The following VPS35 variants were observed in gnomAD, a reference collection of about 807,000 sequenced individuals.
The protein encoded by VPS35 is vacuolar protein sorting-associated protein 35.
In VPS35, 21 loss-of-function variants were observed where a neutral mutation model predicts 98.1. That is an observed-to-expected ratio of 0.21 (90% confidence interval 0.15 to 0.31). The LOEUF (loss-of-function observed/expected upper bound fraction) is 0.31. Among genes scored for constraint, VPS35 ranks in the 10% least tolerant of loss-of-function variants. The pLI is 1.00. For synonymous variants in VPS35, 268 were observed against 318.2 expected, an observed-to-expected ratio of 0.84 and a Z score of 1.68; for missense variants, 554 against 950.8, an observed-to-expected ratio of 0.58 and a Z score of 5.49.
Position 46,674,680 on chromosome 16 carries a change from C to G in VPS35, c.915-20G>C. ...GCTAATCTAAAAAAAAAAAAAACAC[C>G]CCTTTATTTTAAAAGATACAGGGTT... On this transcript the variant is annotated intron_variant, in intron 8 of 16. Coordinates refer to ENST00000299138, the MANE Select transcript of VPS35 (RefSeq NM_018206.6). The G allele has an allele frequency of 7.0e-7, 1 of 1,424,360 alleles. No homozygotes were observed. Among genetic ancestry groups the G allele is most frequent in the Non-Finnish European group, 9.8e-7 (1 of 1,017,276 alleles). 88.2% of individuals were successfully genotyped at this position (1,424,360 alleles called of 1,614,324 possible).
intron 9 of VPS35, 34 bp downstream of exon 9, chr16:46,674,530 A>G: frequency 6.2e-7 from 1 of 1,606,216 alleles, no homozygotes; most frequent in Non-Finnish European, 8.5e-7. Flanking sequence ...GAAGTTTCAA[A>G]GTTTTGAGAA....
chr16:46,687,227 G>T (rs1596728183), intron 1 of VPS35, among the ~76,000 whole-genome samples: 2 of 152,058 alleles, frequency 1.3e-5, no homozygotes, highest in East Asian at 3.8e-4. Flanking sequence ...TCAAACAAAG[G>T]TACAGAATAT....
Position 46,669,044 on chromosome 16 carries a change from G to A in VPS35, c.1533C>T (p.Asn511=), listed in dbSNP as rs373955385. Residue 511 remains asparagine (N), a synonymous_variant, in exon 13 of 17, where the codon AAC becomes AAT. Coordinates refer to ENST00000299138, the MANE Select transcript of VPS35 (RefSeq NM_018206.6). Reference sequence around the variant, plus strand: ...CAGCTCCAAAATGTTTTCGTGCTGTGTTCAAAATCTGACCCAAAAGCATTA... The same window carrying A: ...CAGCTCCAAAATGTTTTCGTGCTGTATTCAAAATCTGACCCAAAAGCATTA... ...EDPDQQYLIL[N]TARKHFGAGG... 1 of 1,613,870 alleles carries A rather than the reference G, an allele frequency of 6.2e-7. No individual in the cohort carries two copies. Among genetic ancestry groups the A allele is most frequent in the Non-Finnish European group, 8.5e-7 (1 of 1,180,008 alleles).
intron 12 of VPS35, among the ~76,000 whole-genome samples, chr16:46,669,495 T>A (rs1262046589): frequency 5.3e-5 from 8 of 151,846 alleles, no homozygotes; most frequent in Admixed American, 5.3e-4. Flanking sequence ...AGGGAAACCC[T>A]GTATCTACTA....
intron 7 of VPS35, among the ~76,000 whole-genome samples, chr16:46,676,910 A>G (rs1434281580): frequency 1.3e-5 from 2 of 152,210 alleles, no homozygotes; most frequent in African/African-American, 4.8e-5. Context: ...AGAGACCTAG[A>G]AAACTCAGAT....
At chr16:46,678,661 A>C (rs1218482350) in intron 6 of VPS35, among the ~76,000 whole-genome samples, 1 of 152,296 alleles carries the variant, frequency 6.6e-6, no homozygotes, top group African/African-American at 2.4e-5. Flanking sequence ...TTCTTCATAT[A>C]AACTTTAGAA....
intron 1 of VPS35, among the ~76,000 whole-genome samples, 168 bp from the exon 2 acceptor site, chr16:46,683,774 G>A (rs1408015220): frequency 1.3e-5 from 2 of 152,104 alleles, no homozygotes; most frequent in Admixed American, 1.3e-4. Context: ...GCCCAGGCTG[G>A]AGTGCAGTGG....
At chr16:46,669,702 A>G (rs2143007105) in intron 12 of VPS35, among the ~76,000 whole-genome samples, 1 of 152,038 alleles carries the variant, frequency 6.6e-6, no homozygotes, top group East Asian at 1.9e-4. Flanking sequence ...AAGAGAAAAA[A>G]AGAAGGCTGT....
chr16:46,684,073 G>A (rs114920346), intron 1 of VPS35, among the ~76,000 whole-genome samples: 2,013 of 152,162 alleles, frequency 0.013, 45 homozygotes, highest in African/African-American at 0.044. Context: ...ATGCCTTATC[G>A]CTGAAGTTAA....
rs1357841857 is a variant in VPS35 at position 46,671,793 on chromosome 16, G to A, written c.1436C>T (p.Pro479Leu). Residue 479 changes from proline to leucine, a missense_variant, in exon 12 of 17, where the codon CCT becomes CTT. Transcript: ENST00000299138. ...CTCATCAGCAAAATCTTCTGGATCA[G>A]GGTCTTCTACAGGTTGATCTGGCTG... ...QDQPDQPVED[P>L]DPEDFADEQS... 1 of 1,613,994 alleles carries A rather than the reference G, an allele frequency of 6.2e-7. No homozygotes were observed. The highest frequency in any genetic ancestry group is 1.7e-5 in the Admixed American group (1 of 59,988).
intron 5 of VPS35, among the ~76,000 whole-genome samples, chr16:46,679,557 TC>T (rs1373820286): frequency 9.9e-5 from 15 of 152,070 alleles, no homozygotes; most frequent in Non-Finnish European, 2.2e-4. Context: ...TGAGACCCCA[TC>T]CCCACAAACC....
rs1965874599 is a variant in VPS35, at chr16:46,659,405, G to GT, written c.*1066dup. On this transcript the variant is annotated 3_prime_UTR_variant, in exon 17 of 17. Coordinates refer to ENST00000299138, the MANE Select transcript of VPS35 (RefSeq NM_018206.6). ...TTTTAAGACAGTAAGTTTTGGGATG[G>GT]TTTATTATATAGTAGGTAACTAGTA... is the stretch of plus-strand genomic sequence containing the variant. 1 of 152,222 alleles carries GT rather than the reference G, an allele frequency of 6.6e-6. No homozygotes were observed. The highest frequency in any genetic ancestry group is 2.4e-5 in the African/African-American group (1 of 41,462). 9.4% of individuals were successfully genotyped at this position (152,222 alleles called of 1,614,324 possible).
At chr16:46,677,239 A>T (rs1966165471) in intron 7 of VPS35, 76 bp downstream of exon 7, 1 of 1,389,532 alleles carries the variant, frequency 7.2e-7, no homozygotes, top group African/African-American at 1.4e-5. Context: ...TATTCCATCA[A>T]AATTTTTTCA....
chr16:46,660,450 A>G lies in VPS35; in HGVS notation c.*22T>C. The G allele has an allele frequency of 6.2e-7, 1 of 1,612,472 alleles. No individual in the cohort carries two copies. ...CCCTCACTGGATGTACATGGAAAGG[A>G]GTATGGTGAGCTATTTCCTTTTTAA... On this transcript the variant is annotated 3_prime_UTR_variant, in exon 17 of 17. Coordinates refer to ENST00000299138, the MANE Select transcript of VPS35 (RefSeq NM_018206.6).
At chr16:46,684,239 GA>G (rs1378548242) in intron 1 of VPS35, among the ~76,000 whole-genome samples, 1 of 152,122 alleles carries the variant, frequency 6.6e-6, no homozygotes, top group Non-Finnish European at 1.5e-5. Flanking sequence ...CTGACCAATC[GA>G]AATCTTGTGA....
chr16:46,680,235 G>A (rs982593328), intron 5 of VPS35, among the ~76,000 whole-genome samples: 1 of 152,120 alleles, frequency 6.6e-6, no homozygotes, highest in African/African-American at 2.4e-5. Context: ...ACTCGTAACA[G>A]ATAATTCAAA....
chr16:46,671,659 T>C (rs1413016567), intron 12 of VPS35, 46 bp downstream of exon 12: 1 of 1,612,632 alleles, frequency 6.2e-7, no homozygotes, highest in Admixed American at 1.7e-5. Context: ...GAACATGTGA[T>C]TTCACTAGGA....
At chr16:46,669,641 T>A (rs1596715169) in intron 12 of VPS35, among the ~76,000 whole-genome samples, 1 of 140,892 alleles carries the variant, frequency 7.1e-6, no homozygotes, top group Admixed American at 7.6e-5. Flanking sequence ...CACTCCAGCC[T>A]GGGTGACAGA....
rs753900468 is a variant in VPS35, at chr16:46,669,002, A to T, written c.1575T>A (p.Ile525=). 6.2e-7 allele frequency: 1 copy of T among 1,614,082 alleles called. No individual in the cohort carries two copies. The highest frequency in any genetic ancestry group is 1.3e-5 in the African/African-American group (1 of 74,942). Residue 525 remains isoleucine (I), a synonymous_variant, in exon 13 of 17, where the codon ATT becomes ATA. Transcript: ENST00000299138. ...ATACCAAAGGTGGCAGTGTGAAGCG[A>T]ATCCGCTGATTTCCACCAGCTCCAA... is the stretch of plus-strand genomic sequence containing the variant. ...KHFGAGGNQR[I]RFTLPPLVFA...
Sources: allele counts gnomAD v4.1 joint callset (sites outside exome capture counted in the v4.1 genomes callset), GRCh38; gene constraint gnomAD v4.1.1; transcripts MANE v1.5; gene names NCBI Gene and HGNC (gene_info 2026-07-23, HGNC 2026-07-21).